Variants in FBXL13 observed in about 807,000 individuals in gnomAD.
FBXL13 encodes F-box and leucine-rich repeat protein 13.
A neutral mutation model predicts 83.6 loss-of-function variants in FBXL13; 67 were observed. That is an observed-to-expected ratio of 0.80 (90% CI 0.66 to 0.98). The LOEUF (loss-of-function observed/expected upper bound fraction) is 0.98, where lower values mean the gene tolerates loss of function less well. Ranked by LOEUF, FBXL13 falls within the 50% of genes least tolerant of loss-of-function variation. The pLI is 0.00. For synonymous variants in FBXL13, 272 were observed against 299.5 expected (o/e 0.91, Z 0.95); for missense variants, 822 against 866.5 (o/e 0.95, Z 0.64).
At chr7:103,070,801 T>C (rs1040657633) in intron 1 of FBXL13, among the ~76,000 whole-genome samples, 19 of 152,110 alleles carry the variant, frequency 1.2e-4, no homozygotes, top group African/African-American at 3.9e-4. Context: ...GGTGAACTAA[T>C]AGAGGGAGAA....
chr7:103,037,200 A>T (rs895332745), intron 2 of FBXL13, among the ~76,000 whole-genome samples: 2 of 152,162 alleles, frequency 1.3e-5, no homozygotes, highest in South Asian at 2.1e-4. Context: ...GTTTATTTTG[A>T]TGCCTTATCA....
rs945141469 is a variant in FBXL13 at position 102,944,671 on chromosome 7, T to C, written c.725-12738A>G. The C allele has an allele frequency of 5.0e-6, 7 of 1,406,582 alleles. No homozygotes were observed. The African/African-American group carries it at 1.0e-4, about 20-fold the overall frequency. The allele number at this position is 1,406,582 out of a possible 1,614,324, so 87.1% of individuals were successfully genotyped here. ...CTATACTGGTGTTAGAAAACATATG[T>C]TTACATTTGATTAACTGTGTTGCCT... On this transcript the variant is annotated intron_variant, in intron 8 of 19. Coordinates refer to ENST00000313221, the Ensembl canonical transcript of FBXL13.
At chr7:102,909,571 T>G (rs1563075483) in intron 11 of FBXL13, among the ~76,000 whole-genome samples, 1 of 149,950 alleles carries the variant, frequency 6.7e-6, no homozygotes, top group Non-Finnish European at 1.5e-5. Context: ...CTGCTAGTTA[T>G]TCAGGGCCCA....
intron 7 of FBXL13, among the ~76,000 whole-genome samples, chr7:102,965,483 A>C (rs549117745): frequency 6.6e-6 from 1 of 152,378 alleles, no homozygotes; most frequent in South Asian, 2.1e-4. Context: ...ATGACAAAGC[A>C]CACAAAATAT....
intron 6 of FBXL13, among the ~76,000 whole-genome samples, chr7:103,013,964 A>AC (rs892086447): frequency 3.0e-4 from 45 of 152,110 alleles, no homozygotes; most frequent in African/African-American, 1.1e-3. Context: ...ATTACCACTG[A>AC]CCCCCCAGAA....
chr7:102,861,924 G>A (rs1806899467), intron 16 of FBXL13, among the ~76,000 whole-genome samples: 1 of 147,160 alleles, frequency 6.8e-6, no homozygotes, highest in African/African-American at 2.5e-5. Flanking sequence ...AGAAGCTGTA[G>A]TGAGCCAAGA....
At chr7:102,826,379 G>A (rs1354831867) in intron 18 of FBXL13, among the ~76,000 whole-genome samples, 2 of 152,072 alleles carry the variant, frequency 1.3e-5, no homozygotes, top group African/African-American at 2.4e-5. Flanking sequence ...GAGAGTCCAA[G>A]TTTTTGCCCT....
chr7:102,818,397 G>A lies in FBXL13; in HGVS notation c.2018+3643C>T, dbSNP rs1798294482. On this transcript the variant is annotated intron_variant, in intron 19 of 19. Transcript: ENST00000313221. Reference sequence around the variant, plus strand: ...AACCAGTTTCCTTATCCATTTTGATGATAAAGTGTATTTGTGAGGCAATAT... The same window carrying A: ...AACCAGTTTCCTTATCCATTTTGATAATAAAGTGTATTTGTGAGGCAATAT... Among the ~76,000 whole-genome samples, 6 of 152,180 alleles carry A rather than the reference G, an allele frequency of 3.9e-5. No individual in the cohort carries two copies. The South Asian group carries it at 1.2e-3, about 31-fold the overall frequency.
intron 16 of FBXL13, among the ~76,000 whole-genome samples, chr7:102,865,098 G>C (rs1197788043): frequency 6.6e-6 from 1 of 152,214 alleles, no homozygotes; most frequent in Non-Finnish European, 1.5e-5. Context: ...ATGATATATA[G>C]TTGACAATGA....
chr7:103,022,323 C>A (rs1793284937), intron 6 of FBXL13, among the ~76,000 whole-genome samples: 1 of 145,158 alleles, frequency 6.9e-6, no homozygotes, highest in Non-Finnish European at 1.5e-5. Context: ...CACACCAGGG[C>A]CTGTAGTGGG....
Position 103,046,359 on chromosome 7 carries a change from G to C in FBXL13, c.-1+9285C>G, listed in dbSNP as rs547055127. ...GAATCTGCTATACAGCCTATCATGA[G>C]GGATACATTTCTAATTATTGCCTCT... On this transcript the variant is annotated intron_variant, in intron 2 of 19. Transcript: ENST00000313221. 1.1e-4 allele frequency among the ~76,000 whole-genome samples: 17 copies of C among 148,442 alleles called. No individual in the cohort carries two copies. The South Asian group carries it at 3.4e-3, about 30-fold the overall frequency.
At chr7:102,835,883 A>C (rs1056826052) in intron 17 of FBXL13, among the ~76,000 whole-genome samples, 23 of 152,116 alleles carry the variant, frequency 1.5e-4, no homozygotes, top group African/African-American at 5.6e-4. Flanking sequence ...TGCTGGGATT[A>C]CAGGCGTGAG....
chr7:103,034,232 C>T (rs1409685630), intron 2 of FBXL13, among the ~76,000 whole-genome samples: 1 of 152,228 alleles, frequency 6.6e-6, no homozygotes, highest in Admixed American at 6.5e-5. Flanking sequence ...CAGTCCTGTG[C>T]CGTGTGCCCA....
chr7:102,860,667 T>C (rs183527937), intron 16 of FBXL13, among the ~76,000 whole-genome samples: 49 of 148,076 alleles, frequency 3.3e-4, no homozygotes, highest in Non-Finnish European at 1.6e-4. Context: ...AGTTACCAAA[T>C]GTTGGAATGC....
intron 11 of FBXL13, among the ~76,000 whole-genome samples, chr7:102,905,913 T>C (rs779854625): frequency 1.4e-4 from 21 of 152,100 alleles, no homozygotes; most frequent in Non-Finnish European, 1.5e-5. Flanking sequence ...AAAAATTCTA[T>C]GTGTATTAGT....
In FBXL13 at chr7:103,055,738, A is replaced by G. The variant is rs1212052229; in HGVS notation, c.-95T>C. 13 of 1,267,436 alleles carry G rather than the reference A, an allele frequency of 1.0e-5. No individual in the cohort carries two copies. The East Asian group carries it at 2.3e-4, about 22-fold the overall frequency. 78.5% of individuals were successfully genotyped at this position (1,267,436 alleles called of 1,614,324 possible). A position where few individuals can be genotyped will look rare whatever the true frequency, so the allele number is the denominator to read the frequency against. On this transcript the variant is annotated 5_prime_UTR_variant, in exon 2 of 20. Transcript: ENST00000313221. ...TCAGGACATGTAACAAGTATACCACATAACAGTGCCTAGGGGAAAAAAGGG... is the reference window on the plus strand; with the variant it reads ...TCAGGACATGTAACAAGTATACCACGTAACAGTGCCTAGGGGAAAAAAGGG...
At chr7:102,953,938 C>T (rs1823820140) in intron 8 of FBXL13, among the ~76,000 whole-genome samples, 1 of 151,906 alleles carries the variant, frequency 6.6e-6, no homozygotes, top group Non-Finnish European at 1.5e-5. Context: ...GAGGGACAGA[C>T]AAAAACAGAG....
chr7:102,828,002 G>A (rs1800039165), intron 18 of FBXL13, among the ~76,000 whole-genome samples: 1 of 152,298 alleles, frequency 6.6e-6, no homozygotes, highest in South Asian at 2.1e-4. Context: ...AGTATAGTTT[G>A]AAGTCAGGTA....
At chr7:102,957,871 A>G (rs955286211) in intron 8 of FBXL13, among the ~76,000 whole-genome samples, 3 of 152,178 alleles carry the variant, frequency 2.0e-5, no homozygotes, top group Admixed American at 6.5e-5. Flanking sequence ...GCAGTCATTA[A>G]AATGTCAGGA....
Sources: allele counts gnomAD v4.1 joint callset (sites outside exome capture counted in the v4.1 genomes callset), GRCh38; gene constraint gnomAD v4.1.1; transcripts MANE v1.5; gene names NCBI Gene and HGNC (gene_info 2026-07-23, HGNC 2026-07-21).